CENPC: variants seen among roughly 807,000 people sequenced by gnomAD.
CENPC encodes the protein centromere protein C.
In CENPC, 63 loss-of-function variants were observed where a neutral mutation model predicts 112.1. The ratio of observed to expected loss-of-function variants is 0.56; its 90% CI spans 0.46 to 0.69. The LOEUF is 0.69. CENPC is among the 30% of genes least tolerant of loss of function. The pLI is 0.00. For synonymous variants in CENPC, 333 were observed against 367.6 expected (o/e 0.91, Z 1.08); for missense variants, 1,000 against 1,103.8 (o/e 0.91, Z 1.33).
intron 4 of CENPC, among the ~76,000 whole-genome samples, chr4:67,538,132 A>T (rs777496152): frequency 2.6e-5 from 4 of 152,176 alleles, no homozygotes; most frequent in Non-Finnish European, 5.9e-5. Flanking sequence ...ATACTGAACA[A>T]CTCATTTTAC....
Position 67,492,178 on chromosome 4 carries a change from A to T in CENPC, c.2515+2T>A. 6.5e-7 allele frequency: 1 copy of T among 1,542,142 alleles called. No individual in the cohort carries two copies. Among genetic ancestry groups the T allele is most frequent in the Non-Finnish European group, 8.8e-7 (1 of 1,135,874 alleles). ...TATTTTCAGTATCATGCCTGATCTT[A>T]CCCATGAGAATAATCTCTCTTGTTT... On this transcript the variant is annotated splice_donor_variant, in intron 16 of 18. Coordinates refer to ENST00000273853, the MANE Select transcript of CENPC (RefSeq NM_001812.4). LOFTEE classifies it high-confidence loss of function.
chr4:67,514,348 T>G lies in CENPC; in HGVS notation c.1170A>C (p.Glu390Asp). Residue 390 changes from glutamate to aspartate, a missense_variant, in exon 8 of 19, where the codon GAA becomes GAC. Glu to Asp is a conservative substitution (Grantham distance 45). Coordinates refer to ENST00000273853, the MANE Select transcript of CENPC (RefSeq NM_001812.4). ...TTGTAGATCTATAATTATTTACTGT[T>G]TCACCTATCAAAGCATAACTTGTAT... ...VLDTSYALIG[E>D]TVNNYRSTKY... 1 of 1,612,778 alleles carries G rather than the reference T, an allele frequency of 6.2e-7. No homozygotes were observed. Among genetic ancestry groups the G allele is most frequent in the Non-Finnish European group, 8.5e-7 (1 of 1,179,118 alleles).
intron 17 of CENPC, among the ~76,000 whole-genome samples, chr4:67,485,107 C>T (rs151042883): frequency 1.2e-3 from 184 of 152,112 alleles, no homozygotes; most frequent in African/African-American, 4.3e-3. Flanking sequence ...AGATTATCAC[C>T]TACACTAAAA....
Position 67,532,816 on chromosome 4 carries a change from C to G in CENPC, c.232-1902G>C, listed in dbSNP as rs898644265. On this transcript the variant is annotated intron_variant, in intron 4 of 18. Coordinates refer to ENST00000273853, the MANE Select transcript of CENPC (RefSeq NM_001812.4). ...AATGTAAATGACGAGTTAACGGGTG[C>G]AGCACACCAACATGGCACATGTATA... 1.1e-4 allele frequency among the ~76,000 whole-genome samples: 16 copies of G among 152,238 alleles called. No homozygotes were observed. In the Middle Eastern group the frequency reaches 0.031, roughly 291 times the overall value.
chr4:67,521,103 C>T (rs1043089990), intron 5 of CENPC, among the ~76,000 whole-genome samples: 3 of 151,074 alleles, frequency 2.0e-5, no homozygotes, highest in Non-Finnish European at 4.4e-5. Context: ...CAACTATGTG[C>T]TGTAACAAAA....
intron 11 of CENPC, among the ~76,000 whole-genome samples, 169 bp downstream of exon 11, chr4:67,506,619 C>T (rs887844169): frequency 1.3e-5 from 2 of 152,108 alleles, no homozygotes; most frequent in African/African-American, 2.4e-5. Flanking sequence ...TGAGAATATC[C>T]GAGCCAAAAC....
intron 11 of CENPC, 135 bp downstream of exon 11, chr4:67,506,653 G>T (rs896662495): frequency 1.8e-5 from 12 of 657,292 alleles, no homozygotes; most frequent in Non-Finnish European, 2.5e-5. Flanking sequence ...CTCCCAGATT[G>T]CTGAGCCATA....
chr4:67,539,662 G>A (rs1453019083), intron 4 of CENPC, among the ~76,000 whole-genome samples, 178 bp downstream of exon 4: 1 of 151,866 alleles, frequency 6.6e-6, no homozygotes, highest in African/African-American at 2.4e-5. Context: ...AATTCCAACA[G>A]AAAATATCAA....
At chr4:67,534,364 C>T (rs1004279665) in intron 4 of CENPC, among the ~76,000 whole-genome samples, 1 of 151,436 alleles carries the variant, frequency 6.6e-6, no homozygotes, top group African/African-American at 2.4e-5. Flanking sequence ...TGCAGTGAGC[C>T]GAAATCGTGC....
At chr4:67,476,124 A>G (rs1724797962) in intron 17 of CENPC, among the ~76,000 whole-genome samples, 1 of 152,226 alleles carries the variant, frequency 6.6e-6, no homozygotes, top group African/African-American at 2.4e-5. Context: ...ATAAAAGTAT[A>G]GCACATACAG....
intron 8 of CENPC, 91 bp downstream of exon 8, chr4:67,513,983 C>T: frequency 7.9e-7 from 1 of 1,262,702 alleles, no homozygotes; most frequent in South Asian, 1.8e-5. Flanking sequence ...TTTAGGTTTA[C>T]TTTGCCTACT....
chr4:67,541,174 T>C, intron 2 of CENPC, 124 bp from the exon 3 acceptor site: 1 of 634,372 alleles, frequency 1.6e-6, no homozygotes, highest in Non-Finnish European at 2.7e-6. Context: ...ATCTTTACTA[T>C]TTGAAGACAA....
chr4:67,494,071 T>C (rs945092359), intron 13 of CENPC, 83 bp from the exon 14 acceptor site: 1 of 634,182 alleles, frequency 1.6e-6, no homozygotes, highest in Non-Finnish European at 2.4e-6. Flanking sequence ...TTTTAGAACA[T>C]GAAAGCTTTA....
At chr4:67,487,336 T>C (rs1033790016) in intron 17 of CENPC, among the ~76,000 whole-genome samples, 1 of 151,786 alleles carries the variant, frequency 6.6e-6, no homozygotes, top group Non-Finnish European at 1.5e-5. Context: ...GTAGTAGTAG[T>C]CTTAGAAATT....
rs183379109 is a variant in CENPC, at chr4:67,471,974, T to C, written c.*631A>G. 6.6e-6 allele frequency: 1 copy of C among 152,312 alleles called. No homozygotes were observed. Among genetic ancestry groups the C allele is most frequent in the African/African-American group, 2.4e-5 (1 of 41,566 alleles). 9.4% of individuals were successfully genotyped at this position (152,312 alleles called of 1,614,324 possible). Reference sequence around the variant, plus strand: ...ACAAGGTGAGAATACCATGTGATAATGCAAGTAGATTGAAATGCTACCGGT... The same window carrying C: ...ACAAGGTGAGAATACCATGTGATAACGCAAGTAGATTGAAATGCTACCGGT... On this transcript the variant is annotated 3_prime_UTR_variant, in exon 19 of 19. Transcript: ENST00000273853.
intron 17 of CENPC, among the ~76,000 whole-genome samples, chr4:67,481,221 A>G (rs533379003): frequency 6.6e-6 from 1 of 152,310 alleles, no homozygotes; most frequent in East Asian, 1.9e-4. Flanking sequence ...AATAATTTGG[A>G]ATATACCTAA....
At position 67,519,281 on chromosome 4, in the gene CENPC, T is replaced by A; in HGVS notation, c.553A>T (p.Thr185Ser). ...PSSAQKRETY[T>S]FENSVNMLPS... ...AGCATATTTACTGAATTTTCAAAAG[T>A]GTAAGTCTCTCTCTTTTGGGCACTA... Residue 185 changes from threonine (T) to serine (S), a missense_variant, in exon 6 of 19, where the codon ACT becomes TCT. Thr to Ser is a moderately conservative substitution (Grantham distance 58). Transcript: ENST00000273853. The A allele has an allele frequency of 6.2e-7, 1 of 1,611,070 alleles. No homozygotes were observed. Among genetic ancestry groups the A allele is most frequent in the Non-Finnish European group, 8.5e-7 (1 of 1,178,114 alleles).
chr4:67,478,629 AACACACAC>A (rs200741539), intron 17 of CENPC, among the ~76,000 whole-genome samples: 9 of 81,884 alleles, frequency 1.1e-4, no homozygotes, highest in African/African-American at 1.9e-4. Context: ...GGGTCTATAA[AACACACAC>A]ACACACACAC....
At chr4:67,495,847 T>G (rs1725417889) in intron 12 of CENPC, among the ~76,000 whole-genome samples, 1 of 152,210 alleles carries the variant, frequency 6.6e-6, no homozygotes, top group Non-Finnish European at 1.5e-5. Flanking sequence ...TCAGGGGTTC[T>G]CAACTTTGGT....
Sources: allele counts gnomAD v4.1 joint callset (sites outside exome capture counted in the v4.1 genomes callset), GRCh38; gene constraint gnomAD v4.1.1; transcripts MANE v1.5; gene names NCBI Gene and HGNC (gene_info 2026-07-23, HGNC 2026-07-21).